Variants in FBLN7 observed in about 807,000 individuals in gnomAD.
The protein encoded by FBLN7 is fibulin 7.
Under a neutral mutation model 44.0 loss-of-function variants are expected in FBLN7, and 31 were observed. The observed-to-expected ratio is 0.70, with a 90% CI of 0.53 to 0.95. The LOEUF (loss-of-function observed/expected upper bound fraction) is 0.95, where lower values mean the gene tolerates loss of function less well. Ranked by LOEUF, FBLN7 falls within the 40% of genes least tolerant of loss-of-function variation. The pLI, the probability that FBLN7 is intolerant of heterozygous loss-of-function variation, is 0.00. For missense variants in FBLN7, 573 were observed against 618.5 expected (o/e 0.93, Z 0.78); for synonymous variants, 262 against 253.4 (o/e 1.03, Z -0.32).
the FBLN7 span, chr2:112,238,208 A>T: frequency 8.8e-7 from 1 of 1,134,306 alleles, no homozygotes; most frequent in Non-Finnish European, 1.2e-6. Context: ...TGAAAACCAT[A>T]GTCTTATCAT....
intron 1 of FBLN7, among the ~76,000 whole-genome samples, chr2:112,143,143 G>A (rs1366142947): frequency 6.6e-6 from 1 of 152,144 alleles, no homozygotes; most frequent in African/African-American, 2.4e-5. Context: ...TTTGTCACTG[G>A]CTGATGAAGA....
chr2:112,171,000 A>G (rs1285441290), intron 3 of FBLN7, among the ~76,000 whole-genome samples: 2 of 152,210 alleles, frequency 1.3e-5, no homozygotes, highest in African/African-American at 4.8e-5. Context: ...GGTGTCATTT[A>G]CAGAGATGAT....
chr2:112,160,192 T>G (rs367818059), intron 2 of FBLN7, among the ~76,000 whole-genome samples: 4,166 of 149,536 alleles, frequency 0.028, 129 homozygotes, highest in African/African-American at 0.076. Flanking sequence ...GGGTTTCACC[T>G]TGTTAGCCAG....
chr2:112,219,271 G>A, the FBLN7 span, among the ~76,000 whole-genome samples: 1 of 152,130 alleles, frequency 6.6e-6, no homozygotes, highest in African/African-American at 2.4e-5. Context: ...GGAGAGGGTA[G>A]AAATAAACCC....
intron 1 of FBLN7, among the ~76,000 whole-genome samples, chr2:112,143,888 A>G (rs1366797080): frequency 6.6e-6 from 1 of 152,102 alleles, no homozygotes; most frequent in Non-Finnish European, 1.5e-5. Context: ...CGGCCTCCAC[A>G]ATGTCATATA....
chr2:112,186,913 G>A (rs946634043), intron 7 of FBLN7, among the ~76,000 whole-genome samples: 1 of 152,180 alleles, frequency 6.6e-6, no homozygotes, highest in Non-Finnish European at 1.5e-5. Flanking sequence ...TGGGCAGGGA[G>A]CACCCTTGAG....
At chr2:112,140,322 C>G (rs1680575488) in intron 1 of FBLN7, among the ~76,000 whole-genome samples, 6 of 151,896 alleles carry the variant, frequency 4.0e-5, no homozygotes, top group Admixed American at 3.9e-4. Flanking sequence ...CCTCCTGCCT[C>G]TCTCCAGGCC....
chr2:112,234,612 C>G, the FBLN7 span, among the ~76,000 whole-genome samples: 1 of 152,078 alleles, frequency 6.6e-6, no homozygotes, highest in Non-Finnish European at 1.5e-5. Flanking sequence ...ACCAGCCTGG[C>G]CAACACAGTG....
intron 3 of FBLN7, among the ~76,000 whole-genome samples, chr2:112,166,160 C>T (rs540502605): frequency 6.6e-6 from 1 of 152,232 alleles, no homozygotes; most frequent in Non-Finnish European, 1.5e-5. Context: ...CAGCGATTCT[C>T]CTGCCTCAGC....
the FBLN7 span, among the ~76,000 whole-genome samples, chr2:112,205,307 AT>A: frequency 6.6e-6 from 1 of 152,122 alleles, no homozygotes; most frequent in African/African-American, 2.4e-5. Context: ...CAGAAAGCCA[AT>A]AACAAAATGT....
At chr2:112,185,938 T>C (rs907283836) in intron 7 of FBLN7, among the ~76,000 whole-genome samples, 1 of 150,412 alleles carries the variant, frequency 6.6e-6, no homozygotes, top group Non-Finnish European at 1.5e-5. Flanking sequence ...ACAAAGCACA[T>C]ACATTTTCCT....
chr2:112,241,113 G>A, the FBLN7 span, among the ~76,000 whole-genome samples: 48 of 151,994 alleles, frequency 3.2e-4, no homozygotes, highest in East Asian at 8.1e-3. Flanking sequence ...TAAAGGGTGG[G>A]CTTAGGTACA....
chr2:112,218,861 T>C, the FBLN7 span, among the ~76,000 whole-genome samples: 2 of 152,206 alleles, frequency 1.3e-5, no homozygotes, highest in African/African-American at 2.4e-5. Context: ...TCCTCTGTTA[T>C]TCAAGGGCCA....
intron 2 of FBLN7, among the ~76,000 whole-genome samples, chr2:112,164,095 C>T (rs1237961472): frequency 6.6e-6 from 1 of 152,180 alleles, no homozygotes; most frequent in African/African-American, 2.4e-5. Flanking sequence ...CCACACTTCG[C>T]CATTGCTTAT....
intron 1 of FBLN7, among the ~76,000 whole-genome samples, chr2:112,138,960 C>T (rs1453493557): frequency 7.7e-6 from 1 of 130,370 alleles, no homozygotes; most frequent in Non-Finnish European, 1.7e-5. Context: ...TCTCTCCAGG[C>T]CAGCGTCCCT....
intron 4 of FBLN7, chr2:112,176,059 T>C (rs1168505423): frequency 1.5e-5 from 6 of 411,812 alleles, no homozygotes; most frequent in Non-Finnish European, 2.1e-5. Flanking sequence ...ACCCTTCTTA[T>C]AGTAGAAAAC....
At position 112,187,996 on chromosome 2, in the gene FBLN7, C is replaced by T. The variant is rs140426465; in HGVS notation, c.*490C>T. 1.7e-4 allele frequency: 28 copies of T among 169,166 alleles called. No homozygotes were observed. Among genetic ancestry groups the T allele is most frequent in the African/African-American group, 5.2e-4 (22 of 42,014 alleles). The allele number at this position is 169,166 out of a possible 1,614,324, so 10.5% of individuals were successfully genotyped here. ...TGGAGTCTCCTCCCATGACCCAGCA[C>T]GTTGTTCTTATCTGCCTTTTCCTCT... On this transcript the variant is annotated 3_prime_UTR_variant, in exon 8 of 8. Coordinates refer to ENST00000331203, the MANE Select transcript of FBLN7 (RefSeq NM_153214.3). This position sits in a 1 kb window ranked among gnomAD's most constrained non-coding sequence, Gnocchi z 5.1.
intron 3 of FBLN7, among the ~76,000 whole-genome samples, chr2:112,171,791 A>G (rs1474480846): frequency 6.6e-6 from 1 of 152,170 alleles, no homozygotes; most frequent in Non-Finnish European, 1.5e-5. Context: ...GGGCTATTCT[A>G]GGCTTTATTA....
At chr2:112,198,446 G>A in the FBLN7 span, among the ~76,000 whole-genome samples, 1 of 151,996 alleles carries the variant, frequency 6.6e-6, no homozygotes, top group Non-Finnish European at 1.5e-5. Flanking sequence ...AGACCAGCCC[G>A]GCCAACATGG....
Sources: gnomAD v4.1 joint callset for allele counts (sites outside exome capture counted in the v4.1 genomes callset) on GRCh38, gnomAD v4.1.1 for gene constraint, Gnocchi (gnomAD v3.1) non-coding constraint, MANE v1.5 for transcripts, NCBI Gene and HGNC (gene_info 2026-07-23, HGNC 2026-07-21) for gene names.